The following MYO1D variants were observed in gnomAD, a reference collection of about 807,000 sequenced individuals.
MYO1D encodes the protein myosin ID.
Under a neutral mutation model 122.0 loss-of-function variants are expected in MYO1D, and 83 were observed. That is an observed-to-expected ratio of 0.68 (90% confidence interval 0.57 to 0.82). The LOEUF (loss-of-function observed/expected upper bound fraction) is 0.82, where lower values mean the gene tolerates loss of function less well. Among genes scored for constraint, MYO1D ranks in the 40% least tolerant of loss-of-function variants. The pLI is 0.00. For synonymous variants in MYO1D, 464 were observed against 446.9 expected, an observed-to-expected ratio of 1.04 and a Z score of -0.48; for missense variants, 1,157 against 1,269.5, an observed-to-expected ratio of 0.91 and a Z score of 1.35.
At chr17:32,526,157 G>A (rs1045928203) in intron 21 of MYO1D, among the ~76,000 whole-genome samples, 1 of 140,700 alleles carries the variant, frequency 7.1e-6, no homozygotes, top group African/African-American at 3.1e-5. Context: ...TTGTAATCCC[G>A]TCTACTCATC....
intron 6 of MYO1D, among the ~76,000 whole-genome samples, chr17:32,768,165 T>G (rs762473415): frequency 6.6e-6 from 1 of 152,240 alleles, no homozygotes; most frequent in Non-Finnish European, 1.5e-5. Flanking sequence ...AATTGTCTTA[T>G]TTAGGCTGGC....
chr17:32,683,390 T>C (rs1598004861), intron 16 of MYO1D, among the ~76,000 whole-genome samples: 1 of 152,352 alleles, frequency 6.6e-6, no homozygotes, highest in Non-Finnish European at 1.5e-5. Context: ...TTATCTACTT[T>C]TGGTCTCTGA....
At chr17:32,581,568 CCT>C (rs2087339753) in intron 21 of MYO1D, among the ~76,000 whole-genome samples, 1 of 150,580 alleles carries the variant, frequency 6.6e-6, no homozygotes, top group South Asian at 2.1e-4. Context: ...TCTCCATGCC[CCT>C]CTCGCTCTCT....
intron 8 of MYO1D, 125 bp downstream of exon 8, chr17:32,764,753 G>T: frequency 2.0e-6 from 2 of 1,007,972 alleles, no homozygotes; most frequent in Non-Finnish European, 3.0e-6. Flanking sequence ...TGGCCAGAAA[G>T]TATCATTATG....
At chr17:32,768,252 C>T (rs929808082) in intron 6 of MYO1D, among the ~76,000 whole-genome samples, 2 of 152,208 alleles carry the variant, frequency 1.3e-5, no homozygotes, top group Non-Finnish European at 2.9e-5. Flanking sequence ...AGCAAAACAG[C>T]CAGCCTCAGT....
At chr17:32,527,085 A>C (rs1910367973) in intron 21 of MYO1D, among the ~76,000 whole-genome samples, 1 of 152,218 alleles carries the variant, frequency 6.6e-6, no homozygotes, top group Non-Finnish European at 1.5e-5. Flanking sequence ...ACTTTTCGTA[A>C]GACCACAGTG....
intron 20 of MYO1D, among the ~76,000 whole-genome samples, chr17:32,617,935 T>C (rs1046507087): frequency 6.6e-6 from 1 of 152,226 alleles, no homozygotes; most frequent in African/African-American, 2.4e-5. Flanking sequence ...ACCATATTTA[T>C]AAATATTTTC....
intron 3 of MYO1D, among the ~76,000 whole-genome samples, chr17:32,777,684 G>A (rs1324081023): frequency 1.3e-5 from 2 of 152,134 alleles, no homozygotes; most frequent in African/African-American, 2.4e-5. Context: ...GGTGGCACAT[G>A]CCTGTAATCC....
At chr17:32,546,349 GCGAGGAGCTCTGTCTGTCTTTGT>G (rs1214321331) in intron 21 of MYO1D, among the ~76,000 whole-genome samples, 4 of 152,168 alleles carry the variant, frequency 2.6e-5, no homozygotes, top group Admixed American at 2.6e-4. Context: ...CCATCCCTCT[GCGAGGAGCTCTGTCTGTCTTTGT>G]CGAGGAGCAC....
intron 1 of MYO1D, among the ~76,000 whole-genome samples, chr17:32,842,702 G>T (rs1252372734): frequency 6.6e-6 from 1 of 152,002 alleles, no homozygotes; most frequent in African/African-American, 2.4e-5. Flanking sequence ...CATTCAGAAT[G>T]TGCTTCCACA....
chr17:32,737,956 T>C (rs368721390), intron 14 of MYO1D, among the ~76,000 whole-genome samples: 5 of 152,350 alleles, frequency 3.3e-5, no homozygotes, highest in East Asian at 3.9e-4. Context: ...CTAAAGTTCC[T>C]TTTGCTGGGC....
chr17:32,581,588 T>C (rs531116742), intron 21 of MYO1D, among the ~76,000 whole-genome samples: 10 of 151,532 alleles, frequency 6.6e-5, no homozygotes, highest in African/African-American at 2.2e-4. Context: ...TCTTTTTTTT[T>C]CCCGACAGGG....
At chr17:32,667,507 G>A (rs1021474) in intron 16 of MYO1D, among the ~76,000 whole-genome samples, 8,587 of 152,104 alleles carry the variant, frequency 0.056, 767 homozygotes, top group African/African-American at 0.19. Flanking sequence ...GAAGACATAC[G>A]ATAAATCTAA....
At chr17:32,676,845 C>G (rs1454025097) in intron 16 of MYO1D, among the ~76,000 whole-genome samples, 1 of 150,284 alleles carries the variant, frequency 6.7e-6, no homozygotes, top group Non-Finnish European at 1.5e-5. Context: ...GAGTCTTGCT[C>G]TGTCGCCCAG....
chr17:32,511,023 G>A (rs986993950), intron 21 of MYO1D, among the ~76,000 whole-genome samples: 2 of 151,780 alleles, frequency 1.3e-5, no homozygotes, highest in African/African-American at 2.4e-5. Flanking sequence ...CAAAACAAAT[G>A]AGACAGCAGT....
At chr17:32,527,517 G>A (rs1910379283) in intron 21 of MYO1D, among the ~76,000 whole-genome samples, 1 of 152,220 alleles carries the variant, frequency 6.6e-6, no homozygotes, top group Non-Finnish European at 1.5e-5. Context: ...AAGTAGCCAG[G>A]TTTGGTGGCT....
chr17:32,873,744 A>G (rs1186211443), intron 1 of MYO1D, among the ~76,000 whole-genome samples: 1 of 152,222 alleles, frequency 6.6e-6, no homozygotes, highest in African/African-American at 2.4e-5. Flanking sequence ...AGTCATGAAC[A>G]ATCACTGATC....
At chr17:32,573,054 G>A (rs1192709830) in intron 21 of MYO1D, among the ~76,000 whole-genome samples, 3 of 143,440 alleles carry the variant, frequency 2.1e-5, no homozygotes, top group South Asian at 4.7e-4. Context: ...TTCTATGCGT[G>A]GCACATACAA....
intron 21 of MYO1D, among the ~76,000 whole-genome samples, chr17:32,533,205 A>T (rs1910565428): frequency 6.6e-6 from 1 of 152,154 alleles, no homozygotes; most frequent in Admixed American, 6.5e-5. Context: ...TCCCAAATCT[A>T]TACCTCTAGC....
Sources: gnomAD v4.1 joint callset for allele counts (sites outside exome capture counted in the v4.1 genomes callset) on GRCh38, gnomAD v4.1.1 for gene constraint, MANE v1.5 for transcripts, NCBI Gene and HGNC (gene_info 2026-07-23, HGNC 2026-07-21) for gene names.